The following ZNHIT3 variants were observed in gnomAD, a reference collection of about 807,000 sequenced individuals.
ZNHIT3 encodes the protein zinc finger HIT domain-containing protein 3.
ZNHIT3 carries 27 observed loss-of-function variants against 19.9 expected under a neutral mutation model. The ratio of observed to expected loss-of-function variants is 1.36; its 90% CI spans 1.00 to 1.87. The LOEUF (loss-of-function observed/expected upper bound fraction) is 1.87, where lower values mean the gene tolerates loss of function less well. ZNHIT3 is among the 40% of genes most tolerant of loss of function. ZNHIT3 has a pLI of 0.00. For missense variants in ZNHIT3, 215 were observed against 185.6 expected, an observed-to-expected ratio of 1.16 and a Z score of -0.92; for synonymous variants, 81 against 65.7, an observed-to-expected ratio of 1.23 and a Z score of -1.13.
In ZNHIT3 at chr17:36,495,506, AAG is replaced by A. The variant is rs1262444792; in HGVS notation, c.*105_*106del. ...GTTTGGGGCTGGGGAGCTCAGGCAA[AAG>A]AGGTTTCCAGGATGCAGATTAGGTC... On this transcript the variant is annotated 3_prime_UTR_variant, in exon 5 of 5. Coordinates refer to ENST00000617429, the MANE Select transcript of ZNHIT3 (RefSeq NM_004773.4). 4 of 1,405,818 alleles carry A rather than the reference AAG, an allele frequency of 2.8e-6. No homozygotes were observed. Among genetic ancestry groups the A allele is most frequent in the East Asian group, 5.2e-5 (2 of 38,292 alleles). 87.1% of individuals were successfully genotyped at this position (1,405,818 alleles called of 1,614,324 possible). A position where few individuals can be genotyped will look rare whatever the true frequency, so the allele number is the denominator to read the frequency against.
intron 2 of ZNHIT3, chr17:36,489,964 A>T: frequency 3.5e-5 from 4 of 115,546 alleles, no homozygotes; most frequent in South Asian, 2.7e-4. Context: ...TTGGCTGTTG[A>T]GCTCCTTGTG....
At chr17:36,492,953 G>T (rs746395964) in intron 3 of ZNHIT3, 54 bp downstream of exon 3, 10 of 1,474,748 alleles carry the variant, frequency 6.8e-6, no homozygotes, top group Non-Finnish European at 9.2e-7. Flanking sequence ...AGAATAAGTC[G>T]AAGGAAAAGG....
In ZNHIT3 at chr17:36,487,017, C is replaced by T. The variant is rs772481728; in HGVS notation, c.118+51C>T. 3 of 1,599,862 alleles carry T rather than the reference C, an allele frequency of 1.9e-6. No individual in the cohort carries two copies. In the South Asian group the frequency reaches 3.4e-5, roughly 18 times the overall value. Reference sequence around the variant, plus strand: ...GTACCACTGCGCACGGGGCAGCCCCCACGTCCAGCCTCCGTCTTGGGGGCG... The same window carrying T: ...GTACCACTGCGCACGGGGCAGCCCCTACGTCCAGCCTCCGTCTTGGGGGCG... On this transcript the variant is annotated intron_variant, in intron 2 of 4. Coordinates refer to ENST00000617429, the MANE Select transcript of ZNHIT3 (RefSeq NM_004773.4).
downstream of ZNHIT3, chr17:36,497,910 G>A (rs2071150213): frequency 4.0e-6 from 1 of 249,452 alleles, no homozygotes; most frequent in Non-Finnish European, 7.7e-6. Flanking sequence ...ATCACCTCCT[G>A]CTCCTGACTC....
chr17:36,495,114 C>G (rs759396900), intron 4 of ZNHIT3, 109 bp from the exon 5 acceptor site: 19 of 1,379,558 alleles, frequency 1.4e-5, no homozygotes, highest in Non-Finnish European at 1.8e-5. Flanking sequence ...CATGAGCCAC[C>G]ACACCTTGCT....
chr17:36,499,090 T>C (rs372897844), downstream of ZNHIT3: 13 of 1,609,470 alleles, frequency 8.1e-6, no homozygotes, highest in East Asian at 2.2e-5. Context: ...ACTTCTGCCA[T>C]GCACGCTTGA....
intron 2 of ZNHIT3, 128 bp downstream of exon 2, chr17:36,487,094 C>A: frequency 7.7e-7 from 1 of 1,299,398 alleles, no homozygotes; most frequent in Non-Finnish European, 1.0e-6. Context: ...GCGGGTTCTG[C>A]AGGAACCTTG....
chr17:36,496,294 C>T (rs2070959517), downstream of ZNHIT3: 2 of 1,614,028 alleles, frequency 1.2e-6, no homozygotes, highest in East Asian at 2.2e-5. Flanking sequence ...GTGGATCAGC[C>T]TGTGTCTTTC....
chr17:36,487,049 C>T, intron 2 of ZNHIT3, 83 bp downstream of exon 2: 1 of 1,547,556 alleles, frequency 6.5e-7, no homozygotes, highest in Non-Finnish European at 8.7e-7. Context: ...GGCGTGGACC[C>T]TTGGGCTGCG....
In ZNHIT3 at chr17:36,486,963, A is replaced by G. The variant is rs762207379; in HGVS notation, c.115A>G (p.Lys39Glu). The G allele has an allele frequency of 1.9e-6, 3 of 1,611,300 alleles. No homozygotes were observed. The highest frequency in any genetic ancestry group is 2.7e-5 in the African/African-American group (2 of 74,796). ...YCSVVCFRKHKEQCNPETRPV... is the reference protein window; with the variant it reads ...YCSVVCFRKHEEQCNPETRPV... ...CTCGGTAGTCTGCTTCCGGAAGCAC[A>G]AAGGTGAGCCCCGTCCCCGCCAGCC... is the stretch of plus-strand genomic sequence containing the variant. The change falls in exon 2 of 5, where the codon AAA becomes GAA. Residue 39 changes from lysine (K) to glutamate (E), a missense_variant. Coordinates refer to ENST00000617429, the MANE Select transcript of ZNHIT3 (RefSeq NM_004773.4).
At chr17:36,492,968 A>T in intron 3 of ZNHIT3, 69 bp downstream of exon 3, 1 of 1,434,622 alleles carries the variant, frequency 7.0e-7, no homozygotes, top group African/African-American at 1.4e-5. Flanking sequence ...AAAAGGGGAG[A>T]GTGGGGCTGG....
In ZNHIT3 at chr17:36,495,718, T is replaced by A; in HGVS notation, c.*314T>A. On this transcript the variant is annotated 3_prime_UTR_variant, in exon 5 of 5. Coordinates refer to ENST00000617429, the MANE Select transcript of ZNHIT3 (RefSeq NM_004773.4). Reference sequence around the variant, plus strand: ...CTTACACTTCATATGGAGTTAAACTTGGTCAGTGTTAATAAAATCAAAACG... The same window carrying A: ...CTTACACTTCATATGGAGTTAAACTAGGTCAGTGTTAATAAAATCAAAACG... 8.0e-7 allele frequency: 1 copy of A among 1,250,650 alleles called. No homozygotes were observed. The highest frequency in any genetic ancestry group is 3.1e-5 in the East Asian group (1 of 32,728). 77.5% of individuals were successfully genotyped at this position (1,250,650 alleles called of 1,614,324 possible). A position where few individuals can be genotyped will look rare whatever the true frequency, so the allele number is the denominator to read the frequency against.
At chr17:36,495,994 G>A (rs2142572184), downstream of ZNHIT3, 1 of 795,532 alleles carries the variant, frequency 1.3e-6, no homozygotes, top group Non-Finnish European at 1.8e-6. Context: ...TGTGAAGGTA[G>A]TGAAATGTGG....
At chr17:36,494,386 A>T (rs564491393) in intron 4 of ZNHIT3, among the ~76,000 whole-genome samples, 15 of 152,312 alleles carry the variant, frequency 9.8e-5, no homozygotes, top group Middle Eastern at 3.4e-3. Context: ...TTTGTCTCTC[A>T]CATACCGATT....
intron 2 of ZNHIT3, chr17:36,491,118 C>T (rs1263866214): frequency 6.6e-6 from 1 of 152,116 alleles, no homozygotes; most frequent in Non-Finnish European, 1.5e-5. Context: ...GCTACCCATG[C>T]TCAGCCTGTC....
chr17:36,488,662 C>T (rs2142517680), intron 2 of ZNHIT3, among the ~76,000 whole-genome samples: 1 of 151,862 alleles, frequency 6.6e-6, no homozygotes, highest in South Asian at 2.1e-4. Flanking sequence ...TATATAAAGC[C>T]TCCTATTGGT....
chr17:36,496,419 G>C (rs779367168), downstream of ZNHIT3: 12 of 1,613,550 alleles, frequency 7.4e-6, no homozygotes, highest in Non-Finnish European at 1.0e-5. Flanking sequence ...AGAGGGGAGA[G>C]AGAGATGCAG....
At chr17:36,495,944 G>C (rs975203730), downstream of ZNHIT3, 2 of 1,009,278 alleles carry the variant, frequency 2.0e-6, no homozygotes, top group African/African-American at 3.3e-5. Flanking sequence ...GGGATCCCCA[G>C]TGTAGTGACA....
At chr17:36,494,802 C>T (rs1483539042) in intron 4 of ZNHIT3, among the ~76,000 whole-genome samples, 1 of 152,016 alleles carries the variant, frequency 6.6e-6, no homozygotes, top group African/African-American at 2.4e-5. Flanking sequence ...CCGTCTTCAC[C>T]ACTGGCAACT....
Sources: allele counts gnomAD v4.1 joint callset (sites outside exome capture counted in the v4.1 genomes callset), GRCh38; gene constraint gnomAD v4.1.1; transcripts MANE v1.5; gene names NCBI Gene and HGNC (gene_info 2026-07-23, HGNC 2026-07-21).